The following LTBP1 variants were observed in gnomAD, a reference collection of about 807,000 sequenced individuals.
LTBP1 encodes latent transforming growth factor beta binding protein 1, also known as latent-transforming growth factor beta-binding protein 1.
In LTBP1, 129 loss-of-function variants were observed where a neutral mutation model predicts 207.6. The observed-to-expected ratio is 0.62, with a 90% confidence interval of 0.54 to 0.72. The LOEUF (loss-of-function observed/expected upper bound fraction) is 0.72, where lower values mean the gene tolerates loss of function less well. Among genes scored for constraint, LTBP1 ranks in the 30% least tolerant of loss-of-function variants. The pLI is 0.00. For missense variants in LTBP1, 2,281 were observed against 2,217.2 expected (o/e 1.03, Z -0.58); for synonymous variants, 963 against 833.7 (o/e 1.16, Z -2.67).
chr2:32,953,587 A>C (rs1259708710), intron 2 of LTBP1, among the ~76,000 whole-genome samples: 1 of 152,140 alleles, frequency 6.6e-6, no homozygotes, highest in Non-Finnish European at 1.5e-5. Context: ...ACATTTAGGA[A>C]CCATAACACT....
chr2:33,289,287 G>C (rs556718025), intron 19 of LTBP1, among the ~76,000 whole-genome samples: 9 of 152,214 alleles, frequency 5.9e-5, no homozygotes, highest in Non-Finnish European at 1.0e-4. Flanking sequence ...TTAATTCATT[G>C]AGTGGCAAAT....
chr2:33,212,160 A>G (rs1345822913), intron 7 of LTBP1, among the ~76,000 whole-genome samples: 3 of 152,238 alleles, frequency 2.0e-5, no homozygotes, highest in African/African-American at 4.8e-5. Context: ...CTTCTGCATC[A>G]CAGTGTTCAT....
At chr2:33,110,947 C>G (rs1455985810) in intron 4 of LTBP1, among the ~76,000 whole-genome samples, 196 bp downstream of exon 4, 1 of 152,050 alleles carries the variant, frequency 6.6e-6, no homozygotes, top group Non-Finnish European at 1.5e-5. Flanking sequence ...GCAGTTTTTC[C>G]TGGGTTTTGG....
chr2:33,297,036 G>C (rs1479124201), intron 20 of LTBP1, among the ~76,000 whole-genome samples: 1 of 152,186 alleles, frequency 6.6e-6, no homozygotes, highest in Non-Finnish European at 1.5e-5. Context: ...GGCTAACTCT[G>C]CTTGTGTGCG....
At chr2:33,151,968 C>T (rs1013251666) in intron 5 of LTBP1, among the ~76,000 whole-genome samples, 3 of 151,430 alleles carry the variant, frequency 2.0e-5, no homozygotes, top group African/African-American at 7.3e-5. Context: ...TATAAACATG[C>T]GTGTGCAAGT....
chr2:33,069,534 G>A (rs1294836548), intron 3 of LTBP1, among the ~76,000 whole-genome samples: 6 of 152,150 alleles, frequency 3.9e-5, no homozygotes, highest in Non-Finnish European at 1.5e-5. Context: ...CAGAGGGCAG[G>A]TCAATGTTAC....
At chr2:33,228,176 G>A (rs994758308) in intron 9 of LTBP1, among the ~76,000 whole-genome samples, 4 of 152,086 alleles carry the variant, frequency 2.6e-5, no homozygotes, top group African/African-American at 4.8e-5. Context: ...CAACATATTT[G>A]TAGTGATTCA....
intron 5 of LTBP1, among the ~76,000 whole-genome samples, chr2:33,162,223 A>C (rs1185253441): frequency 6.6e-6 from 1 of 152,174 alleles, no homozygotes; most frequent in Non-Finnish European, 1.5e-5. Context: ...TATTTAATAG[A>C]TTTGTATTTG....
At chr2:33,341,971 C>T (rs1373007823) in intron 24 of LTBP1, among the ~76,000 whole-genome samples, 4 of 151,970 alleles carry the variant, frequency 2.6e-5, no homozygotes, top group Admixed American at 1.3e-4. Context: ...TGTGGCATGA[C>T]TGTTAAATCC....
intron 31 of LTBP1, among the ~76,000 whole-genome samples, chr2:33,377,294 A>G (rs1021203774): frequency 7.2e-5 from 11 of 152,190 alleles, no homozygotes; most frequent in Admixed American, 5.2e-4. Context: ...GCTAGACTGC[A>G]CTGTAGCATG....
chr2:33,382,158 G>C lies in LTBP1; in HGVS notation c.4712-7026G>C, dbSNP rs183482282. Among the ~76,000 whole-genome samples the C allele has an allele frequency of 3.6e-3, 469 of 129,990 alleles. 2 individuals are homozygous for C. The highest frequency in any genetic ancestry group is 0.013 in the African/African-American group (448 of 33,402). The allele number at this position is 129,990 out of a possible 152,430, so 85.3% of individuals were successfully genotyped here. On this transcript the variant is annotated intron_variant, in intron 31 of 33. Coordinates refer to ENST00000404816, the MANE Select transcript of LTBP1 (RefSeq NM_206943.4). ...TGCCCAGGCTGGAGTGCAGTGGTGC[G>C]ATCTCGGTTCACTGCAACCTCCACC...
At chr2:33,328,007 C>A (rs368295145) in intron 24 of LTBP1, among the ~76,000 whole-genome samples, 2 of 151,728 alleles carry the variant, frequency 1.3e-5, no homozygotes, top group African/African-American at 2.4e-5. Flanking sequence ...TGATGGCACA[C>A]GCCTGTAATC....
chr2:33,014,166 T>C (rs1274905056), intron 2 of LTBP1, among the ~76,000 whole-genome samples: 4 of 152,192 alleles, frequency 2.6e-5, no homozygotes. Context: ...TATTGGTGAT[T>C]GATGGGCATG....
At chr2:33,277,795 T>TTCTTTCTTTCTTTCTCTCTCTC (rs1394277684) in intron 18 of LTBP1, among the ~76,000 whole-genome samples, 3 of 107,962 alleles carry the variant, frequency 2.8e-5, no homozygotes, top group Non-Finnish European at 5.7e-5. Context: ...CTTTCTTTCT[T>TTCTTTCTTTCTTTCTCTCTCTC]TCTCTCTCTC....
intron 10 of LTBP1, among the ~76,000 whole-genome samples, chr2:33,248,661 A>G (rs1158573304): frequency 6.8e-6 from 1 of 147,962 alleles, no homozygotes; most frequent in Non-Finnish European, 1.5e-5. Flanking sequence ...ATCTCAGCTT[A>G]CTGCAACTTC....
At chr2:33,121,097 G>A (rs559099280) in intron 4 of LTBP1, among the ~76,000 whole-genome samples, 1 of 139,390 alleles carries the variant, frequency 7.2e-6, no homozygotes, top group East Asian at 2.2e-4. Context: ...TTTTCCTTTA[G>A]TTCTGTTGGA....
At chr2:32,994,856 T>G (rs2148897810) in intron 2 of LTBP1, among the ~76,000 whole-genome samples, 1 of 152,276 alleles carries the variant, frequency 6.6e-6, no homozygotes, top group Middle Eastern at 3.4e-3. Flanking sequence ...CCAAACCAAT[T>G]GAATGAAACT....
At chr2:33,364,175 A>G in intron 29 of LTBP1, 41 bp from the exon 30 acceptor site, 1 of 1,604,840 alleles carries the variant, frequency 6.2e-7, no homozygotes, top group South Asian at 1.1e-5. Flanking sequence ...GGTACAACTG[A>G]TGGCTGATTT....
chr2:33,023,676 C>G (rs768766287), intron 3 of LTBP1, among the ~76,000 whole-genome samples: 3 of 152,132 alleles, frequency 2.0e-5, no homozygotes, highest in Non-Finnish European at 4.4e-5. Context: ...ATTATCTAGT[C>G]CCTGCAGAGA....
Sources: gnomAD v4.1 joint callset for allele counts (sites outside exome capture counted in the v4.1 genomes callset) on GRCh38, gnomAD v4.1.1 for gene constraint, MANE v1.5 for transcripts, NCBI Gene and HGNC (gene_info 2026-07-23, HGNC 2026-07-21) for gene names.